The following CCDC149 variants were observed in gnomAD, a reference collection of about 807,000 sequenced individuals.
CCDC149 encodes coiled-coil domain containing 149.
In CCDC149, 45 loss-of-function variants were observed where a neutral mutation model predicts 59.9. The observed-to-expected ratio is 0.75, with a 90% CI of 0.59 to 0.96. CCDC149 has a LOEUF of 0.96. CCDC149 is among the 40% of genes least tolerant of loss of function. The pLI is 0.00. For missense variants in CCDC149, 584 were observed against 664.7 expected, an observed-to-expected ratio of 0.88 and a Z score of 1.33; for synonymous variants, 245 against 260.6, an observed-to-expected ratio of 0.94 and a Z score of 0.58.
At chr4:24,925,328 C>T (rs1027883063) in intron 1 of CCDC149, among the ~76,000 whole-genome samples, 2 of 152,126 alleles carry the variant, frequency 1.3e-5, no homozygotes, top group Non-Finnish European at 2.9e-5. Flanking sequence ...CTGAGTTATC[C>T]TTCATTTTCC....
rs1175517647 is a variant in CCDC149, at chr4:24,891,056, G to A, written c.64-14359C>T. On this transcript the variant is annotated intron_variant, in intron 1 of 12. Coordinates refer to ENST00000635206, the MANE Select transcript of CCDC149 (RefSeq NM_001330643.2). The stretch of plus-strand genomic sequence containing the variant: ...GGAGCTGTTTTCTCCCTCTCACTGC[G>A]CCTTGCTCATATTTTCCTGAGCACT... 2.6e-5 allele frequency among the ~76,000 whole-genome samples: 4 copies of A among 152,286 alleles called. No individual in the cohort carries two copies. In the East Asian group the frequency reaches 5.8e-4, roughly 22 times the overall value.
intron 1 of CCDC149, among the ~76,000 whole-genome samples, chr4:24,936,494 TATC>T (rs1247579935): frequency 2.6e-5 from 4 of 152,236 alleles, no homozygotes. Flanking sequence ...GTATATATAG[TATC>T]ATGATCAAAT....
rs745868200 is a variant in CCDC149 at position 24,873,727 on chromosome 4, G to A, written c.226-8C>T. On this transcript the variant is annotated splice_polypyrimidine_tract_variant and splice_region_variant and intron_variant, in intron 2 of 12. Coordinates refer to ENST00000635206, the MANE Select transcript of CCDC149 (RefSeq NM_001330643.2). ...AAGTGATGGATCTCCATCCTACAAA[G>A]AAACAAATGCTGCATTTTACTCTTT... The A allele has an allele frequency of 6.2e-6, 10 of 1,604,086 alleles. No individual in the cohort carries two copies. Among genetic ancestry groups the A allele is most frequent in the Non-Finnish European group, 8.5e-6 (10 of 1,171,706 alleles).
At chr4:24,906,015 T>C (rs1166983524) in intron 1 of CCDC149, among the ~76,000 whole-genome samples, 1 of 152,142 alleles carries the variant, frequency 6.6e-6, no homozygotes, top group African/African-American at 2.4e-5. Flanking sequence ...CATACCCTAA[T>C]CGTGGAGCAA....
chr4:24,809,733 G>T (rs773743467), intron 12 of CCDC149, among the ~76,000 whole-genome samples: 54 of 152,364 alleles, frequency 3.5e-4, no homozygotes, highest in Admixed American at 7.2e-4. Flanking sequence ...CTGGACACAT[G>T]TCCTGGACCA....
chr4:24,892,457 G>C (rs1161794540), intron 1 of CCDC149, among the ~76,000 whole-genome samples: 2 of 152,152 alleles, frequency 1.3e-5, no homozygotes, highest in Non-Finnish European at 2.9e-5. Context: ...GATAACATCA[G>C]CACTGGTTGC....
At chr4:24,948,817 G>C (rs1192192357) in intron 1 of CCDC149, among the ~76,000 whole-genome samples, 1 of 152,150 alleles carries the variant, frequency 6.6e-6, no homozygotes, top group Non-Finnish European at 1.5e-5. Flanking sequence ...TGAATAATGA[G>C]GGTGGGTCTT....
chr4:24,972,019 C>T (rs73105526), intron 1 of CCDC149, among the ~76,000 whole-genome samples: 3,904 of 152,260 alleles, frequency 0.026, 116 homozygotes, highest in African/African-American at 0.069. Flanking sequence ...CCAGAACCAA[C>T]CAAGGTACAT....
intron 3 of CCDC149, among the ~76,000 whole-genome samples, chr4:24,869,716 C>T (rs800382): frequency 0.5 from 75,983 of 152,098 alleles, 20,576 homozygotes; most frequent in Non-Finnish European, 0.61. Context: ...CCTCTACTTG[C>T]ATTGTCTCAT....
At chr4:24,816,852 G>T (rs1472440702) in intron 12 of CCDC149, among the ~76,000 whole-genome samples, 1 of 152,076 alleles carries the variant, frequency 6.6e-6, no homozygotes, top group African/African-American at 2.4e-5. Flanking sequence ...CCAAAAACGT[G>T]TCCCCCGCTC....
Position 24,833,395 on chromosome 4 carries a change from G to A in CCDC149, c.820+1553C>T, listed in dbSNP as rs573521952. ...TCCTAGTACTCTGGGAAGCCAAGGC[G>A]GGCAGATCACCTGAGGTCAGGAGTT... On this transcript the variant is annotated intron_variant, in intron 8 of 12. Coordinates refer to ENST00000635206, the MANE Select transcript of CCDC149 (RefSeq NM_001330643.2). Among the ~76,000 whole-genome samples the A allele has an allele frequency of 8.7e-4, 132 of 152,162 alleles. 1 individual carries two copies. Among genetic ancestry groups the A allele is most frequent in the Middle Eastern group, 3.4e-3 (1 of 294 alleles).
chr4:24,811,451 C>T (rs573589310), intron 12 of CCDC149, among the ~76,000 whole-genome samples: 5 of 152,270 alleles, frequency 3.3e-5, no homozygotes, highest in Admixed American at 3.3e-4. Flanking sequence ...TCCCTGTAGT[C>T]TCTCCTTCAA....
intron 4 of CCDC149, among the ~76,000 whole-genome samples, chr4:24,841,369 T>C (rs1447778443): frequency 2.6e-5 from 4 of 152,252 alleles, no homozygotes; most frequent in African/African-American, 9.6e-5. Flanking sequence ...TTATTAAACA[T>C]GTTTATTGAG....
chr4:24,965,447 C>G (rs1215744304), intron 1 of CCDC149, among the ~76,000 whole-genome samples: 1 of 143,840 alleles, frequency 7.0e-6, no homozygotes, highest in Non-Finnish European at 1.5e-5. Flanking sequence ...CAAATATGTT[C>G]TCTGACCACA....
intron 3 of CCDC149, among the ~76,000 whole-genome samples, chr4:24,870,709 A>G (rs368751622): frequency 6.6e-6 from 1 of 152,342 alleles, no homozygotes; most frequent in Non-Finnish European, 1.5e-5. Context: ...TAAAACTATA[A>G]AACTCCTTCA....
intron 12 of CCDC149, among the ~76,000 whole-genome samples, chr4:24,816,858 CG>C (rs1659794693): frequency 6.6e-6 from 1 of 152,092 alleles, no homozygotes; most frequent in Non-Finnish European, 1.5e-5. Flanking sequence ...ACGTGTCCCC[CG>C]CTCCCCACTG....
intron 4 of CCDC149, among the ~76,000 whole-genome samples, chr4:24,840,231 G>A (rs1716852803): frequency 6.6e-6 from 1 of 152,140 alleles, no homozygotes; most frequent in South Asian, 2.1e-4. Flanking sequence ...TCCCTACCAA[G>A]AGCAAAAGCA....
rs3066470 is a variant in CCDC149, at chr4:24,866,823, C to CCACACA, written c.264+6852_264+6857dup. On this transcript the variant is annotated intron_variant, in intron 3 of 12. Coordinates refer to ENST00000635206, the MANE Select transcript of CCDC149 (RefSeq NM_001330643.2). ...AAAAAAAATATACACACACACACAC[C>CCACACA]CACACACACACACACACACACGTGC... is the stretch of plus-strand genomic sequence containing the variant. Among the ~76,000 whole-genome samples the CCACACA allele has an allele frequency of 1.0e-3, 145 of 142,210 alleles. 1 individual carries two copies. The highest frequency in any genetic ancestry group is 5.5e-3 in the Admixed American group (78 of 14,060). 93.3% of individuals were successfully genotyped at this position (142,210 alleles called of 152,430 possible). A position where few individuals can be genotyped will look rare whatever the true frequency, so the allele number is the denominator to read the frequency against.
chr4:24,878,670 T>G (rs571487107), intron 1 of CCDC149, among the ~76,000 whole-genome samples: 1 of 152,314 alleles, frequency 6.6e-6, no homozygotes, highest in East Asian at 1.9e-4. Context: ...TCCCTTCAAT[T>G]TATCAGATTC....
Sources: gnomAD v4.1 joint callset for allele counts (sites outside exome capture counted in the v4.1 genomes callset) on GRCh38, gnomAD v4.1.1 for gene constraint, MANE v1.5 for transcripts, NCBI Gene and HGNC (gene_info 2026-07-23, HGNC 2026-07-21) for gene names.